Variants in CDK15 observed in about 807,000 individuals in gnomAD.
CDK15 encodes the protein cyclin-dependent kinase 15.
Under a neutral mutation model 60.3 loss-of-function variants are expected in CDK15, and 62 were observed. The observed-to-expected ratio is 1.03, with a 90% CI of 0.84 to 1.27. The LOEUF (loss-of-function observed/expected upper bound fraction) is 1.27, where lower values mean the gene tolerates loss of function less well. Ranked by LOEUF, CDK15 falls within the 50% of genes most tolerant of loss-of-function variation. The probability of loss-of-function intolerance (pLI) is 0.00; values close to 1 mark genes in which losing one functional copy is unlikely to be tolerated. For missense variants in CDK15, 541 were observed against 527.8 expected, an observed-to-expected ratio of 1.03 and a Z score of -0.25; for synonymous variants, 194 against 195.7, an observed-to-expected ratio of 0.99 and a Z score of 0.07.
chr2:201,854,535 G>C (rs1698057891), intron 9 of CDK15, among the ~76,000 whole-genome samples: 1 of 152,112 alleles, frequency 6.6e-6, no homozygotes, highest in South Asian at 2.1e-4. Context: ...TATATCCCTA[G>C]CTCCCAACAT....
rs549666433 is a variant in CDK15, at chr2:201,842,869, A to T, written c.852-4512A>T. Among the ~76,000 whole-genome samples, 6 of 152,262 alleles carry T rather than the reference A, an allele frequency of 3.9e-5. No homozygotes were observed. In the South Asian group the frequency reaches 1.2e-3, roughly 32 times the overall value. ...TCACAGGGTCTTTTCTCCCCTGCAT[A>T]TGAATTTCCCCTTCGTCTACACGGG... On this transcript the variant is annotated intron_variant, in intron 8 of 13. Transcript: ENST00000652192.
intron 6 of CDK15, among the ~76,000 whole-genome samples, chr2:201,825,354 C>T (rs1391424828): frequency 6.9e-6 from 1 of 145,348 alleles, no homozygotes; most frequent in Admixed American, 6.9e-5. Flanking sequence ...TGTGCTATAA[C>T]AAATAAATAG....
chr2:201,858,373 C>T (rs1403183888), intron 10 of CDK15, among the ~76,000 whole-genome samples: 2 of 145,992 alleles, frequency 1.4e-5, no homozygotes, highest in African/African-American at 5.1e-5. Context: ...TCCCTTTCTC[C>T]CTCCCTCCCT....
chr2:201,890,829 A>G lies in CDK15; in HGVS notation c.1243A>G (p.Met415Val), dbSNP rs1699618647. The change falls in exon 13 of 14, where the codon ATG (methionine) becomes GTG (valine). Residue 415 changes from methionine to valine, a missense_variant. Met to Val is a conservative substitution (Grantham distance 21). Coordinates refer to ENST00000652192, the MANE Select transcript of CDK15 (RefSeq NM_001366386.2). ...TTCAGGAGTGAGGCTAAAGCCAGAA[A>G]TGTGTGACCTTTTGGCCTCCTACCA... ...TVSGVRLKPE[M>V]CDLLASYQKG... is the part of the protein sequence containing the mutation. 2.5e-6 allele frequency: 4 copies of G among 1,613,770 alleles called. No individual in the cohort carries two copies. The highest frequency in any genetic ancestry group is 1.3e-5 in the African/African-American group (1 of 75,054).
rs553654215 is a variant in CDK15, at chr2:201,867,337, A to G, written c.1010-4941A>G. On this transcript the variant is annotated intron_variant, in intron 10 of 13. Coordinates refer to ENST00000652192, the MANE Select transcript of CDK15 (RefSeq NM_001366386.2). ...AATTCTGGAGACCATTGAAGACATA[A>G]TAACAGCCCAGGCATGGTGGCTCAT... 2.6e-5 allele frequency among the ~76,000 whole-genome samples: 4 copies of G among 152,246 alleles called. No homozygotes were observed. In the South Asian group the frequency reaches 8.3e-4, roughly 32 times the overall value.
chr2:201,888,396 G>A, intron 12 of CDK15: 1 of 1,527,264 alleles, frequency 6.5e-7, no homozygotes, highest in Non-Finnish European at 8.7e-7. Flanking sequence ...CGACTGTCTA[G>A]ATGACTGAAT....
chr2:201,881,570 A>G (rs1316400164), intron 12 of CDK15, among the ~76,000 whole-genome samples: 1 of 152,232 alleles, frequency 6.6e-6, no homozygotes, highest in Non-Finnish European at 1.5e-5. Context: ...AGATGTGCAG[A>G]GACTATGTGT....
At chr2:201,879,511 C>A (rs1437614722) in intron 11 of CDK15, among the ~76,000 whole-genome samples, 1 of 152,222 alleles carries the variant, frequency 6.6e-6, no homozygotes, top group Non-Finnish European at 1.5e-5. Context: ...TCCTGAGTAG[C>A]TGGGATTACA....
At chr2:201,836,483 G>A (rs1022083649) in intron 8 of CDK15, among the ~76,000 whole-genome samples, 8 of 151,668 alleles carry the variant, frequency 5.3e-5, no homozygotes, top group Non-Finnish European at 7.4e-5. Context: ...TGAGATTGGG[G>A]TCTTGCTATA....
chr2:201,837,211 C>T lies in CDK15; in HGVS notation c.851+1448C>T, dbSNP rs564409166. 8.6e-5 allele frequency among the ~76,000 whole-genome samples: 13 copies of T among 151,504 alleles called. No homozygotes were observed. In the South Asian group the frequency reaches 2.7e-3, roughly 32 times the overall value. ...GCTGAAGTAGGAGGATCTCCTGAGC[C>T]TGAGAAATTGAGGCTGCAGTGAGTT... On this transcript the variant is annotated intron_variant, in intron 8 of 13. Transcript: ENST00000652192.
chr2:201,811,306 A>C (rs1012473718), intron 3 of CDK15, among the ~76,000 whole-genome samples: 1 of 151,638 alleles, frequency 6.6e-6, no homozygotes, highest in Non-Finnish European at 1.5e-5. Flanking sequence ...GCCCACCACC[A>C]CACCCGGCTA....
intron 11 of CDK15, 91 bp downstream of exon 11, chr2:201,872,417 C>T: frequency 7.3e-7 from 1 of 1,370,576 alleles, no homozygotes; most frequent in South Asian, 1.2e-5. Context: ...GAACAGCAGC[C>T]CCCGAGCACT....
chr2:201,836,370 C>A (rs1697089079), intron 8 of CDK15, among the ~76,000 whole-genome samples: 1 of 150,834 alleles, frequency 6.6e-6, no homozygotes, highest in Non-Finnish European at 1.5e-5. Context: ...GTAGAAGATT[C>A]TTGCAATTAT....
At chr2:201,846,330 T>C (rs1300547227) in intron 8 of CDK15, among the ~76,000 whole-genome samples, 2 of 151,966 alleles carry the variant, frequency 1.3e-5, no homozygotes, top group African/African-American at 4.8e-5. Flanking sequence ...ACGTTTCTAC[T>C]AAAAATACAA....
At chr2:201,888,413 T>C (rs1699535512) in intron 12 of CDK15, 1 of 1,529,152 alleles carries the variant, frequency 6.5e-7, no homozygotes, top group Non-Finnish European at 8.7e-7. Context: ...GAATTTCCCT[T>C]CTCAAAAAAT....
intron 6 of CDK15, among the ~76,000 whole-genome samples, chr2:201,830,652 A>G (rs767904402): frequency 3.9e-5 from 6 of 152,222 alleles, no homozygotes; most frequent in Non-Finnish European, 8.8e-5. Flanking sequence ...CATGGAGTCA[A>G]CAGCTGTGAT....
chr2:201,832,006 G>GTCTTCC (rs1436246194), intron 6 of CDK15, among the ~76,000 whole-genome samples: 2 of 151,360 alleles, frequency 1.3e-5, no homozygotes, highest in African/African-American at 2.4e-5. Flanking sequence ...CTATCCACCT[G>GTCTTCC]TCTTCCTCTT....
chr2:201,821,661 G>A (rs1043886343), intron 4 of CDK15, among the ~76,000 whole-genome samples: 5 of 152,064 alleles, frequency 3.3e-5, no homozygotes, highest in African/African-American at 9.7e-5. Flanking sequence ...GGGTTGCCCT[G>A]AGGTGAGCCT....
chr2:201,872,352 TTTAAGGGA>T (rs201971784), intron 11 of CDK15, 26 bp downstream of exon 11: 141,115 of 1,609,012 alleles, frequency 0.088, 6,928 homozygotes, highest in African/African-American at 0.12. Context: ...GGAAGGGATC[TTTAAGGGA>T]TCTTTAAGCA....
Sources: gnomAD v4.1 joint callset for allele counts (sites outside exome capture counted in the v4.1 genomes callset) on GRCh38, gnomAD v4.1.1 for gene constraint, MANE v1.5 for transcripts, NCBI Gene and HGNC (gene_info 2026-07-23, HGNC 2026-07-21) for gene names.